The following CNTNAP5 variants were observed in gnomAD, a reference collection of about 807,000 sequenced individuals.
CNTNAP5 encodes contactin-associated protein-like 5.
CNTNAP5 carries 72 observed loss-of-function variants against 150.2 expected under a neutral mutation model. The observed-to-expected ratio is 0.48, with a 90% confidence interval of 0.40 to 0.58. The LOEUF is 0.58. Among genes scored for constraint, CNTNAP5 ranks in the 20% least tolerant of loss-of-function variants. CNTNAP5 has a pLI of 0.00. For synonymous variants in CNTNAP5, 672 were observed against 619.8 expected, an observed-to-expected ratio of 1.08 and a Z score of -1.25; for missense variants, 1,636 against 1,626.2, an observed-to-expected ratio of 1.01 and a Z score of -0.10.
intron 1 of CNTNAP5, among the ~76,000 whole-genome samples, chr2:124,159,311 G>A (rs186210690): frequency 3.8e-4 from 58 of 152,184 alleles, no homozygotes; most frequent in African/African-American, 1.4e-3. Context: ...TCTGTAAAGG[G>A]CTAGATAGTA....
chr2:124,806,608 G>GT (rs1682086048), intron 19 of CNTNAP5, among the ~76,000 whole-genome samples: 1 of 152,146 alleles, frequency 6.6e-6, no homozygotes, highest in Admixed American at 6.5e-5. Flanking sequence ...GCAACTGCTG[G>GT]TTTTTTCAGC....
At chr2:124,187,428 G>T (rs1685360660) in intron 1 of CNTNAP5, among the ~76,000 whole-genome samples, 2 of 152,150 alleles carry the variant, frequency 1.3e-5, no homozygotes. Flanking sequence ...TTCCTAAAAT[G>T]GTCTGCAAGG....
chr2:124,403,524 GCT>G (rs1345746232), intron 3 of CNTNAP5, among the ~76,000 whole-genome samples: 1 of 152,174 alleles, frequency 6.6e-6, no homozygotes, highest in Non-Finnish European at 1.5e-5. Flanking sequence ...GCATTAAGAT[GCT>G]GTTTGTAAAT....
chr2:124,826,621 A>T (rs1311467768), intron 19 of CNTNAP5, among the ~76,000 whole-genome samples: 1 of 152,114 alleles, frequency 6.6e-6, no homozygotes, highest in African/African-American at 2.4e-5. Context: ...CTCATTAGAA[A>T]TGCAAATTCT....
At chr2:124,304,060 A>C (rs1688623675) in intron 3 of CNTNAP5, among the ~76,000 whole-genome samples, 1 of 152,142 alleles carries the variant, frequency 6.6e-6, no homozygotes, top group Non-Finnish European at 1.5e-5. Context: ...ACAAATAATC[A>C]TAAATTTTAT....
chr2:124,108,065 G>A (rs1188780236), intron 1 of CNTNAP5, among the ~76,000 whole-genome samples: 1 of 152,214 alleles, frequency 6.6e-6, no homozygotes, highest in African/African-American at 2.4e-5. Context: ...AGAAGAAACA[G>A]TCAGATATGC....
chr2:124,756,405 A>G (rs907479191), intron 14 of CNTNAP5, among the ~76,000 whole-genome samples: 10 of 152,196 alleles, frequency 6.6e-5, no homozygotes, highest in African/African-American at 2.4e-4. Context: ...GAGCAATTCC[A>G]TTACTGGGCG....
At chr2:124,782,247 A>C (rs1053384659) in intron 17 of CNTNAP5, among the ~76,000 whole-genome samples, 2 of 152,108 alleles carry the variant, frequency 1.3e-5, no homozygotes, top group African/African-American at 4.8e-5. Context: ...TTTATTCCTG[A>C]AGGCCACGTA....
Position 124,764,157 on chromosome 2 carries a change from C to T in CNTNAP5, c.2533+10C>T, listed in dbSNP as rs1681019452. ...CGACTCGAAATAAGCTGTAAGTGCC[C>T]TCAATTATGAATTTAATGTAACTGA... is the stretch of plus-strand genomic sequence containing the variant. On this transcript the variant is annotated intron_variant, in intron 16 of 23. Coordinates refer to ENST00000682447, the MANE Select transcript of CNTNAP5 (RefSeq NM_001367498.1). The T allele has an allele frequency of 6.2e-7, 1 of 1,606,196 alleles. No homozygotes were observed. Among genetic ancestry groups the T allele is most frequent in the South Asian group, 1.1e-5 (1 of 90,760 alleles).
intron 13 of CNTNAP5, among the ~76,000 whole-genome samples, chr2:124,648,164 T>C (rs922273493): frequency 1.3e-5 from 2 of 152,190 alleles, no homozygotes; most frequent in Non-Finnish European, 2.9e-5. Context: ...CTGTCACCTT[T>C]CAAAGTTTTC....
chr2:124,527,142 G>A (rs1694987146), intron 9 of CNTNAP5, 143 bp from the exon 10 acceptor site: 1 of 628,156 alleles, frequency 1.6e-6, no homozygotes, highest in Non-Finnish European at 2.7e-6. Context: ...GAGAATGCTA[G>A]GATTTATAAT....
rs77172996 is a variant in CNTNAP5 at position 124,366,509 on chromosome 2, G to T, written c.382-50934G>T. On this transcript the variant is annotated intron_variant, in intron 3 of 23. Transcript: ENST00000682447. ...TAAGAGAAAGAATGGCATTCCAAGT[G>T]CAGTGTCCTTTAAACTACCAAGTCT... Among the ~76,000 whole-genome samples the T allele has an allele frequency of 5.4e-3, 826 of 152,282 alleles. 6 individuals are homozygous for T. The highest frequency in any genetic ancestry group is 8.9e-3 in the Non-Finnish European group (606 of 68,014).
chr2:124,786,953 T>A (rs1681612063), intron 17 of CNTNAP5, among the ~76,000 whole-genome samples: 1 of 152,196 alleles, frequency 6.6e-6, no homozygotes, highest in Admixed American at 6.5e-5. Context: ...AGTTCATAAC[T>A]CACTGTGTCA....
chr2:124,527,402 G>C lies in CNTNAP5; in HGVS notation c.1595G>C (p.Gly532Ala), dbSNP rs575603162. 1.9e-6 allele frequency: 3 copies of C among 1,613,632 alleles called. No individual in the cohort carries two copies. Among genetic ancestry groups the C allele is most frequent in the Admixed American group, 1.7e-5 (1 of 59,998 alleles). The change falls in exon 10 of 24, where the codon GGT becomes GCT. Residue 532 changes from glycine to alanine, a missense_variant. Transcript: ENST00000682447. ...AAGGACCTCATTTCAGTTCAGCAAG[G>C]TTCCCTGGGGAATTTTAGTGATTTA... ...QPKDLISVQQ[G>A]SLGNFSDLHI...
chr2:124,485,437 CCCCG>C (rs1430871026), intron 7 of CNTNAP5, among the ~76,000 whole-genome samples: 1 of 151,698 alleles, frequency 6.6e-6, no homozygotes, highest in East Asian at 2.0e-4. Context: ...CACGGTGAAA[CCCCG>C]TATCTACTAA....
intron 1 of CNTNAP5, among the ~76,000 whole-genome samples, chr2:124,111,947 T>C (rs953759556): frequency 2.0e-5 from 3 of 152,172 alleles, no homozygotes; most frequent in Non-Finnish European, 4.4e-5. Flanking sequence ...CTGGAAGACA[T>C]TATCTGATGG....
intron 6 of CNTNAP5, among the ~76,000 whole-genome samples, chr2:124,460,080 T>C (rs888937876): frequency 7.9e-5 from 12 of 152,272 alleles, no homozygotes; most frequent in African/African-American, 2.9e-4. Flanking sequence ...ACAGAAATCA[T>C]CTCCAATATA....
chr2:124,138,831 A>G (rs1684037837), intron 1 of CNTNAP5, among the ~76,000 whole-genome samples: 1 of 151,514 alleles, frequency 6.6e-6, no homozygotes, highest in Non-Finnish European at 1.5e-5. Flanking sequence ...ACAAACACAC[A>G]CACACACCAC....
chr2:124,341,264 C>T (rs1689607336), intron 3 of CNTNAP5, among the ~76,000 whole-genome samples: 1 of 152,074 alleles, frequency 6.6e-6, no homozygotes, highest in African/African-American at 2.4e-5. Flanking sequence ...CAACCCCTCC[C>T]TGAGTTGGGT....
Sources: allele counts gnomAD v4.1 joint callset (sites outside exome capture counted in the v4.1 genomes callset), GRCh38; gene constraint gnomAD v4.1.1; transcripts MANE v1.5; gene names NCBI Gene and HGNC (gene_info 2026-07-23, HGNC 2026-07-21).